Variants in CAMK1D observed in about 807,000 individuals in gnomAD.
CAMK1D encodes the protein calcium/calmodulin-dependent protein kinase type 1D.
CAMK1D carries 9 observed loss-of-function variants against 47.7 expected under a neutral mutation model. The observed-to-expected ratio is 0.19, with a 90% confidence interval of 0.11 to 0.33. CAMK1D has a LOEUF of 0.33. CAMK1D is among the 10% of genes least tolerant of loss of function. The pLI is 1.00. For missense variants in CAMK1D, 291 were observed against 488.7 expected (o/e 0.60, Z 3.81); for synonymous variants, 184 against 184.9 (o/e 0.99, Z 0.04).
At chr10:12,753,066 A>G (rs1348264411) in intron 3 of CAMK1D, among the ~76,000 whole-genome samples, 5 of 152,154 alleles carry the variant, frequency 3.3e-5, no homozygotes, top group Admixed American at 6.5e-5. Context: ...ATCGTGGCCA[A>G]CATGGTGAAA....
chr10:12,554,109 A>G (rs200141674), intron 2 of CAMK1D, among the ~76,000 whole-genome samples: 4 of 133,952 alleles, frequency 3.0e-5, no homozygotes, highest in African/African-American at 5.6e-5. Flanking sequence ...TCTTTTTTTT[A>G]TTTCCTTTCT....
chr10:12,424,042 G>A (rs1309779979), intron 1 of CAMK1D, among the ~76,000 whole-genome samples: 3 of 152,050 alleles, frequency 2.0e-5, no homozygotes, highest in Non-Finnish European at 2.9e-5. Context: ...CACGCCGTGC[G>A]GCCTGTTCGT....
intron 2 of CAMK1D, among the ~76,000 whole-genome samples, chr10:12,626,475 C>CTTT (rs35033817): frequency 2.2e-5 from 3 of 136,296 alleles, no homozygotes; most frequent in Non-Finnish European, 4.7e-5. Flanking sequence ...TTCTTTCTTT[C>CTTT]TTTTTTTTTT....
At chr10:12,640,907 T>C (rs1006657747) in intron 2 of CAMK1D, among the ~76,000 whole-genome samples, 2 of 152,216 alleles carry the variant, frequency 1.3e-5, no homozygotes, top group Non-Finnish European at 2.9e-5. Flanking sequence ...AAATCAATTA[T>C]GAAGAATAAT....
intron 2 of CAMK1D, among the ~76,000 whole-genome samples, chr10:12,656,735 G>C (rs934446178): frequency 6.6e-6 from 1 of 152,220 alleles, no homozygotes; most frequent in South Asian, 2.1e-4. Context: ...TGGCAGCAAA[G>C]AGAGGTGATT....
chr10:12,656,462 A>C (rs1266937927), intron 2 of CAMK1D, among the ~76,000 whole-genome samples: 1 of 152,186 alleles, frequency 6.6e-6, no homozygotes, highest in Non-Finnish European at 1.5e-5. Flanking sequence ...ACTGCGCTCC[A>C]GCCTGGGTGA....
intron 2 of CAMK1D, among the ~76,000 whole-genome samples, chr10:12,611,588 C>CTT (rs71386105): frequency 0.25 from 14,529 of 59,002 alleles, 3,226 homozygotes; most frequent in Middle Eastern, 0.39. Context: ...TTCAGAATGC[C>CTT]TTTTTTTTTT....
In CAMK1D at chr10:12,401,071, TATATA is replaced by T. The variant is rs552760197; in HGVS notation, c.92+51167_92+51171del. ...ATATATATTATATATATATTTTATA[TATATA>T]ATATATGTATTATATATATTATATA... On this transcript the variant is annotated intron_variant, in intron 1 of 10. Coordinates refer to ENST00000619168, the MANE Select transcript of CAMK1D (RefSeq NM_153498.4). Among the ~76,000 whole-genome samples the T allele has an allele frequency of 4.8e-4, 47 of 97,738 alleles. 1 individual carries two copies. Among genetic ancestry groups the T allele is most frequent in the Non-Finnish European group, 7.7e-4 (41 of 53,088 alleles). 64.1% of individuals were successfully genotyped at this position (97,738 alleles called of 152,430 possible). A position where few individuals can be genotyped will look rare whatever the true frequency, so the allele number is the denominator to read the frequency against.
At chr10:12,760,723 G>A (rs543407863) in intron 3 of CAMK1D, 20 of 493,430 alleles carry the variant, frequency 4.1e-5, no homozygotes, top group East Asian at 2.8e-4. Flanking sequence ...TGGCTGGTCC[G>A]TGGATCGTGT....
intron 3 of CAMK1D, among the ~76,000 whole-genome samples, chr10:12,717,270 C>A (rs1371153577): frequency 6.6e-6 from 1 of 152,130 alleles, no homozygotes; most frequent in Non-Finnish European, 1.5e-5. Context: ...ATGAGGAACT[C>A]TTAACTGCTT....
chr10:12,820,263 C>T (rs564763490), intron 8 of CAMK1D, among the ~76,000 whole-genome samples: 6 of 152,326 alleles, frequency 3.9e-5, no homozygotes, highest in Admixed American at 2.6e-4. Flanking sequence ...TGGTCTCGAT[C>T]TCCTAACCTT....
chr10:12,475,722 CCTT>C (rs1833882295), intron 1 of CAMK1D, among the ~76,000 whole-genome samples: 1 of 152,074 alleles, frequency 6.6e-6, no homozygotes. Flanking sequence ...TTCCTTCTCC[CCTT>C]TTTTTGCTGC....
At chr10:12,496,240 A>G (rs1156651779) in intron 1 of CAMK1D, among the ~76,000 whole-genome samples, 1 of 152,212 alleles carries the variant, frequency 6.6e-6, no homozygotes, top group Non-Finnish European at 1.5e-5. Context: ...TTTAAACCTG[A>G]GACACTTAAA....
chr10:12,377,534 A>C (rs1838219841), intron 1 of CAMK1D, among the ~76,000 whole-genome samples: 1 of 152,188 alleles, frequency 6.6e-6, no homozygotes, highest in East Asian at 1.9e-4. Context: ...CTCGCACTAA[A>C]ATAATGATTT....
intron 6 of CAMK1D, among the ~76,000 whole-genome samples, chr10:12,801,677 A>G (rs1396076367): frequency 1.3e-5 from 2 of 152,010 alleles, no homozygotes; most frequent in Non-Finnish European, 2.9e-5. Context: ...ATCTATATCT[A>G]TCTTCATTAT....
At chr10:12,771,663 C>T (rs540121575) in intron 5 of CAMK1D, among the ~76,000 whole-genome samples, 1 of 152,106 alleles carries the variant, frequency 6.6e-6, no homozygotes, top group South Asian at 2.1e-4. Flanking sequence ...TGGACACCAT[C>T]GCAGGGGGGC....
intron 2 of CAMK1D, among the ~76,000 whole-genome samples, chr10:12,568,573 T>C (rs528469647): frequency 7.6e-6 from 1 of 131,368 alleles, no homozygotes; most frequent in South Asian, 3.2e-4. Flanking sequence ...GCCTAGGCCA[T>C]GTGCCCAGAG....
At chr10:12,790,195 G>T (rs954920159) in intron 5 of CAMK1D, among the ~76,000 whole-genome samples, 6 of 152,260 alleles carry the variant, frequency 3.9e-5, no homozygotes, top group Non-Finnish European at 8.8e-5. Context: ...AACCAAGAAT[G>T]CAAGGTTGAA....
intron 1 of CAMK1D, among the ~76,000 whole-genome samples, chr10:12,365,850 C>T (rs916898285): frequency 7.2e-5 from 11 of 151,894 alleles, no homozygotes; most frequent in Non-Finnish European, 1.0e-4. Flanking sequence ...GTCAGGAGTT[C>T]GAGACCAGTC....
Sources: allele counts gnomAD v4.1 joint callset (sites outside exome capture counted in the v4.1 genomes callset), GRCh38; gene constraint gnomAD v4.1.1; transcripts MANE v1.5; gene names NCBI Gene and HGNC (gene_info 2026-07-23, HGNC 2026-07-21).